Variants in SLC38A10 observed in about 807,000 individuals in gnomAD.
SLC38A10 encodes solute carrier family 38 member 10.
Under a neutral mutation model 81.0 loss-of-function variants are expected in SLC38A10, and 53 were observed. That is an observed-to-expected ratio of 0.65 (90% CI 0.53 to 0.82). The LOEUF is 0.82. Ranked by LOEUF, SLC38A10 falls within the 40% of genes least tolerant of loss-of-function variation. The pLI, the probability that SLC38A10 is intolerant of heterozygous loss-of-function variation, is 0.00. For synonymous variants in SLC38A10, 665 were observed against 655.3 expected (o/e 1.01, Z -0.23); for missense variants, 1,471 against 1,545.0 (o/e 0.95, Z 0.80).
intron 1 of SLC38A10, among the ~76,000 whole-genome samples, chr17:81,291,684 G>C (rs1263847273): frequency 1.3e-5 from 2 of 152,080 alleles, no homozygotes; most frequent in East Asian, 3.9e-4. Context: ...CTCCACACAG[G>C]CACGCACCCA....
At chr17:81,264,758 A>G (rs2063055380) in intron 10 of SLC38A10, 1 of 152,232 alleles carries the variant, frequency 6.6e-6, no homozygotes. Flanking sequence ...GGCACCACCC[A>G]GCAAGGCCCC....
In SLC38A10 at chr17:81,245,231, G is replaced by A. The variant is rs1055915054; in HGVS notation, c.*325C>T. On this transcript the variant is annotated 3_prime_UTR_variant, in exon 16 of 16. Coordinates refer to ENST00000374759, the MANE Select transcript of SLC38A10 (RefSeq NM_001037984.3). ...AGGAGCAGGAGGCCTGACCACAGACGCAGCAGCTCCCCAGCCTGAGCCTGG... is the reference window on the plus strand; with the variant it reads ...AGGAGCAGGAGGCCTGACCACAGACACAGCAGCTCCCCAGCCTGAGCCTGG... 1 of 288,300 alleles carries A rather than the reference G, an allele frequency of 3.5e-6. No homozygotes were observed. Among genetic ancestry groups the A allele is most frequent in the South Asian group, 8.0e-5 (1 of 12,502 alleles). 17.9% of individuals were successfully genotyped at this position (288,300 alleles called of 1,614,324 possible).
intron 14 of SLC38A10, chr17:81,251,204 C>A: frequency 6.5e-7 from 1 of 1,545,790 alleles, no homozygotes; most frequent in Non-Finnish European, 8.7e-7. Context: ...AGTGACAATG[C>A]CGCAGGTGTT....
chr17:81,290,877 G>C (rs2063304937), intron 1 of SLC38A10, among the ~76,000 whole-genome samples: 1 of 152,126 alleles, frequency 6.6e-6, no homozygotes, highest in African/African-American at 2.4e-5. Context: ...ATGGTGGTGT[G>C]TGCCTGTAAT....
intron 10 of SLC38A10, among the ~76,000 whole-genome samples, chr17:81,268,100 G>T (rs530293617): frequency 1.3e-5 from 2 of 151,460 alleles, no homozygotes; most frequent in Non-Finnish European, 2.9e-5. Flanking sequence ...GATGATGAAC[G>T]CCAAGCAGAA....
In SLC38A10 at chr17:81,283,747, G is replaced by A. The variant is rs1351994930; in HGVS notation, c.264-245C>T. ...TCCTGCCTCAGCCTCCCGAGTAGCTGGGAGTAGCCGAGTAGCCACGCCCGG... is the reference window on the plus strand; with the variant it reads ...TCCTGCCTCAGCCTCCCGAGTAGCTAGGAGTAGCCGAGTAGCCACGCCCGG... On this transcript the variant is annotated intron_variant, in intron 3 of 15. Transcript: ENST00000374759. This position sits in a 1 kb window ranked among gnomAD's most constrained non-coding sequence, Gnocchi z 4.7. Among the ~76,000 whole-genome samples, 1 of 151,840 alleles carries A rather than the reference G, an allele frequency of 6.6e-6. No homozygotes were observed. The highest frequency in any genetic ancestry group is 1.5e-5 in the Non-Finnish European group (1 of 67,966).
chr17:81,266,469 A>T lies in SLC38A10; in HGVS notation c.1131+4449T>A, dbSNP rs549060364. Among the ~76,000 whole-genome samples the T allele has an allele frequency of 2.6e-5, 4 of 152,224 alleles. No homozygotes were observed. The East Asian group carries it at 5.8e-4, about 22-fold the overall frequency. ...CCCGTCTCTACTAAAAATACAAAAA[A>T]TTAGCCGGGCATGGTTGCAGGCACC... On this transcript the variant is annotated intron_variant, in intron 10 of 15. Coordinates refer to ENST00000374759, the MANE Select transcript of SLC38A10 (RefSeq NM_001037984.3).
In SLC38A10 at chr17:81,260,146, C is replaced by T. The variant is rs11869070; in HGVS notation, c.1288+92G>A. 2.7e-4 allele frequency: 389 copies of T among 1,452,172 alleles called. No individual in the cohort carries two copies. In the African/African-American group the frequency reaches 4.9e-3, roughly 18 times the overall value. 90.0% of individuals were successfully genotyped at this position (1,452,172 alleles called of 1,614,324 possible). ...CTGCACCCACACAGGACAGAGGCCA[C>T]TGAGCAGGTAAGCACAATCCTCGGA... On this transcript the variant is annotated intron_variant, in intron 11 of 15. Coordinates refer to ENST00000374759, the MANE Select transcript of SLC38A10 (RefSeq NM_001037984.3).
chr17:81,289,750 G>T lies in SLC38A10; in HGVS notation c.158C>A (p.Ser53Ter). 1 of 1,611,480 alleles carries T rather than the reference G, an allele frequency of 6.2e-7. No homozygotes were observed. The highest frequency in any genetic ancestry group is 1.1e-5 in the South Asian group (1 of 90,684). The change falls in exon 2 of 16, where the codon TCG becomes TAG. Residue 53 changes from serine (S) to a stop codon, truncating the protein, a stop_gained. Transcript: ENST00000374759. LOFTEE classifies it high-confidence loss of function. The surrounding 1 kb of genome is among the most constrained non-coding windows in gnomAD (Gnocchi z 5.9). ...LVFCSWMTHQ[S>*]CMFLVKSASL... is the part of the protein sequence containing the mutation. Reference sequence around the variant, plus strand: ...GGCCGACTTCACCAAGAACATGCACGACTGGTGCGTCATCCATGAGCAGAA... The same window carrying T: ...GGCCGACTTCACCAAGAACATGCACTACTGGTGCGTCATCCATGAGCAGAA...
rs970787683 is a variant in SLC38A10 at position 81,270,537 on chromosome 17, G to A, written c.1131+381C>T. Among the ~76,000 whole-genome samples, 6 of 152,160 alleles carry A rather than the reference G, an allele frequency of 3.9e-5. No individual in the cohort carries two copies. Among genetic ancestry groups the A allele is most frequent in the African/African-American group, 1.4e-4 (6 of 41,432 alleles). The stretch of plus-strand genomic sequence containing the variant: ...CACAAGCACGCACATCTCCGTGGGA[G>A]GGTCGCACCAGGAACAACGGTGGGT... On this transcript the variant is annotated intron_variant, in intron 10 of 15. Coordinates refer to ENST00000374759, the MANE Select transcript of SLC38A10 (RefSeq NM_001037984.3). This position sits in a 1 kb window ranked among gnomAD's most constrained non-coding sequence, Gnocchi z 4.0.
rs749971126 is a variant in SLC38A10, at chr17:81,283,462, C to T, written c.304G>A (p.Val102Ile). ...TTGGACCCCAAGTCGCCGATCACGA[C>T]GTAGAAGGCGATGCAGGTGCCCAGC... ...LMLGTCIAFY[V>I]VIGDLGSNFF... The change falls in exon 4 of 16, where the codon GTC (valine) becomes ATC (isoleucine). Residue 102 changes from valine (V) to isoleucine (I), a missense_variant. This residue lies in a region of SLC38A10 where 720 missense variants were observed against 827.7 expected (regional missense o/e 0.87). Transcript: ENST00000374759. The surrounding 1 kb of genome is among the most constrained non-coding windows in gnomAD (Gnocchi z 4.7). The T allele has an allele frequency of 6.2e-6, 10 of 1,612,258 alleles. No homozygotes were observed. The highest frequency in any genetic ancestry group is 2.2e-5 in the East Asian group (1 of 44,824).
rs1209050510 is a variant in SLC38A10, at chr17:81,249,263, AG to A, written c.2066-2203del. Among the ~76,000 whole-genome samples, 9 of 35,122 alleles carry A rather than the reference AG, an allele frequency of 2.6e-4. 1 individual carries two copies. The highest frequency in any genetic ancestry group is 1.3e-3 in the African/African-American group (8 of 6,218). 23.0% of individuals were successfully genotyped at this position (35,122 alleles called of 152,430 possible). On this transcript the variant is annotated intron_variant, in intron 14 of 15. Transcript: ENST00000374759. ...AGAAGGAAGGTGGGGGAAGAGGAGG[AG>A]GGAGGAGGAGGAAGGAGGGAAGAGG...
rs1276305268 is a variant in SLC38A10 at position 81,265,805 on chromosome 17, G to A, written c.1131+5113C>T. 1.3e-5 allele frequency among the ~76,000 whole-genome samples: 2 copies of A among 152,236 alleles called. No homozygotes were observed. Among genetic ancestry groups the A allele is most frequent in the Non-Finnish European group, 2.9e-5 (2 of 68,034 alleles). On this transcript the variant is annotated intron_variant, in intron 10 of 15. Transcript: ENST00000374759. The surrounding 1 kb of genome is among the most constrained non-coding windows in gnomAD (Gnocchi z 4.2). ...AGGAAACAGGGCATGCTGAGCGGATGGCACACGGTGGTCCGCTGGCCCCAC... is the reference window on the plus strand; with the variant it reads ...AGGAAACAGGGCATGCTGAGCGGATAGCACACGGTGGTCCGCTGGCCCCAC...
intron 1 of SLC38A10, among the ~76,000 whole-genome samples, chr17:81,292,249 C>A (rs1055983800): frequency 6.6e-6 from 1 of 152,044 alleles, no homozygotes; most frequent in African/African-American, 2.4e-5. Flanking sequence ...GCCTCAGACT[C>A]CCTAGTAGCT....
At chr17:81,251,858 C>G (rs118099334) in intron 13 of SLC38A10, 3 of 516,042 alleles carry the variant, frequency 5.8e-6, no homozygotes, top group Non-Finnish European at 9.7e-6. Context: ...AATGCAAGAA[C>G]TGTCCTAAGC....
chr17:81,262,608 G>A (rs983731534), intron 10 of SLC38A10, among the ~76,000 whole-genome samples: 3 of 152,168 alleles, frequency 2.0e-5, no homozygotes, highest in Non-Finnish European at 2.9e-5. Context: ...ACACCAACAC[G>A]CTAATTACGG....
At chr17:81,266,051 A>C (rs2146916363) in intron 10 of SLC38A10, among the ~76,000 whole-genome samples, 1 of 152,338 alleles carries the variant, frequency 6.6e-6, no homozygotes. Flanking sequence ...CCAAGTCAAA[A>C]GCCGACACTG....
chr17:81,246,940 C>A lies in SLC38A10; in HGVS notation c.2187G>T (p.Gln729His). 1 of 1,607,886 alleles carries A rather than the reference C, an allele frequency of 6.2e-7. No individual in the cohort carries two copies. The highest frequency in any genetic ancestry group is 1.1e-5 in the South Asian group (1 of 91,010). ...GCCTCTGCTGGTGGATCTCCTTGTGCTGCTCCTCGATCACCGCCAGCAGCT... is the reference window on the plus strand; with the variant it reads ...GCCTCTGCTGGTGGATCTCCTTGTGATGCTCCTCGATCACCGCCAGCAGCT... ...QEKLLAVIEE[Q>H]HKEIHQQRQE... The change falls in exon 15 of 16, where the codon CAG (glutamine) becomes CAT (histidine). Residue 729 changes from glutamine (Q) to histidine (H), a missense_variant. Physicochemically the swap from Gln to His is conservative, Grantham distance 24. Coordinates refer to ENST00000374759, the MANE Select transcript of SLC38A10 (RefSeq NM_001037984.3).
intron 8 of SLC38A10, 115 bp downstream of exon 8, chr17:81,275,852 CCT>C (rs771697452): frequency 2.3e-5 from 28 of 1,241,762 alleles, no homozygotes; most frequent in Admixed American, 4.5e-5. Flanking sequence ...TCCCGGGACT[CCT>C]CTGACGCAAA....
Sources: gnomAD v4.1 joint callset for allele counts (sites outside exome capture counted in the v4.1 genomes callset) on GRCh38, gnomAD v4.1.1 for gene constraint, gnomAD v4.1.1 regional missense constraint, Gnocchi (gnomAD v3.1) non-coding constraint, MANE v1.5 for transcripts, NCBI Gene and HGNC (gene_info 2026-07-23, HGNC 2026-07-21) for gene names.